The following TOP1MT variants were observed in gnomAD, a reference collection of about 807,000 sequenced individuals.
TOP1MT encodes the protein DNA topoisomerase I, mitochondrial.
Under a neutral mutation model 73.9 loss-of-function variants are expected in TOP1MT, and 80 were observed. That is an observed-to-expected ratio of 1.08 (90% confidence interval 0.90 to 1.30). The LOEUF (loss-of-function observed/expected upper bound fraction) is 1.30. Among genes scored for constraint, TOP1MT ranks in the 50% most tolerant of loss-of-function variants. TOP1MT has a pLI of 0.00. For synonymous variants in TOP1MT, 338 were observed against 326.4 expected (o/e 1.04, Z -0.38); for missense variants, 815 against 808.0 (o/e 1.01, Z -0.10).
At chr8:143,327,672 G>A in intron 3 of TOP1MT, 2 of 356,774 alleles carry the variant, frequency 5.6e-6, no homozygotes, top group Middle Eastern at 4.1e-4. Flanking sequence ...GCTAGTGACT[G>A]GAAGAAGTGC....
At chr8:143,350,124 C>T (rs1817296265) in intron 1 of TOP1MT, 1 of 152,232 alleles carries the variant, frequency 6.6e-6, no homozygotes. Context: ...ACAAACATCT[C>T]CAATTATGTC....
At chr8:143,348,616 TGG>T (rs1817268890), upstream of TOP1MT, among the ~76,000 whole-genome samples, 2 of 124,366 alleles carry the variant, frequency 1.6e-5, no homozygotes, top group South Asian at 5.9e-4. This position sits in a 1 kb window ranked among gnomAD's most constrained non-coding sequence, Gnocchi z 4.6. Flanking sequence ...TGGGGGGGGG[TGG>T]GGGCCCTCCA....
chr8:143,319,048 A>T (rs1409794545), intron 8 of TOP1MT, among the ~76,000 whole-genome samples: 1 of 152,120 alleles, frequency 6.6e-6, no homozygotes, highest in Non-Finnish European at 1.5e-5. Context: ...ACCACAGCCG[A>T]TGCTTCACCA....
chr8:143,315,608 A>G, intron 12 of TOP1MT, 119 bp downstream of exon 12: 1 of 693,342 alleles, frequency 1.4e-6, no homozygotes, highest in Non-Finnish European at 2.4e-6. Flanking sequence ...TTATTTCTAC[A>G]ATCTCTCGTC....
upstream of TOP1MT, among the ~76,000 whole-genome samples, chr8:143,347,688 GCAGC>G (rs36222627): frequency 0.023 from 3,499 of 150,052 alleles, 53 homozygotes; most frequent in Non-Finnish European, 0.028. Context: ...CAGCAGGCAG[GCAGC>G]CAGCCAGCCA....
chr8:143,349,085 C>A (rs1817277454), upstream of TOP1MT, among the ~76,000 whole-genome samples: 3 of 152,184 alleles, frequency 2.0e-5, 1 homozygote, highest in South Asian at 6.2e-4. Context: ...GTTCTCAGCT[C>A]CTCACCACAA....
intron 7 of TOP1MT, among the ~76,000 whole-genome samples, chr8:143,322,364 A>G (rs1586759264): frequency 1.1e-5 from 1 of 88,806 alleles, no homozygotes. Flanking sequence ...CGCACGCCAC[A>G]CACACAGGCA....
intron 1 of TOP1MT, among the ~76,000 whole-genome samples, chr8:143,351,801 C>T (rs912706741): frequency 6.6e-6 from 1 of 151,472 alleles, no homozygotes; most frequent in Admixed American, 6.6e-5. Context: ...CAGCAATACT[C>T]GGCCAGGTGT....
chr8:143,348,562 T>C (rs1057096339), upstream of TOP1MT, among the ~76,000 whole-genome samples: 2 of 151,478 alleles, frequency 1.3e-5, no homozygotes, highest in Non-Finnish European at 2.9e-5. This position sits in a 1 kb window ranked among gnomAD's most constrained non-coding sequence, Gnocchi z 4.6. Context: ...AAGACCAGCA[T>C]ATTTCATCCT....
chr8:143,310,085 G>C lies in TOP1MT; in HGVS notation c.1686C>G (p.Pro562=). ...ACACGCACCAGGCAATGCTGATCCTGGGGTCCAGGTAGTTGAGCTTGGACG... is the reference window on the plus strand; with the variant it reads ...ACACGCACCAGGCAATGCTGATCCTCGGGTCCAGGTAGTTGAGCTTGGACG... ...LGTSKLNYLD[P]RISIAWCKRF... is the part of the protein sequence containing the mutation. The change falls in exon 13 of 14, where the codon CCC becomes CCG. Residue 562 remains proline (P), a synonymous_variant. Transcript: ENST00000329245. 4 of 1,613,086 alleles carry C rather than the reference G, an allele frequency of 2.5e-6. No homozygotes were observed. The highest frequency in any genetic ancestry group is 3.4e-6 in the Non-Finnish European group (4 of 1,179,994).
chr8:143,315,866 A>G lies in TOP1MT; in HGVS notation c.1459-45T>C, dbSNP rs199938002. The G allele has an allele frequency of 1.8e-4, 288 of 1,605,496 alleles. No homozygotes were observed. The African/African-American group carries it at 3.6e-3, about 20-fold the overall frequency. On this transcript the variant is annotated intron_variant, in intron 11 of 13. Coordinates refer to ENST00000329245, the MANE Select transcript of TOP1MT (RefSeq NM_052963.3). Reference sequence around the variant, plus strand: ...ACAGGGCTGCCCCTCCCCATCCCGCACCAGCCCCTGTGCCCACACCCTTCC... The same window carrying G: ...ACAGGGCTGCCCCTCCCCATCCCGCGCCAGCCCCTGTGCCCACACCCTTCC...
chr8:143,321,650 GGCACGCCACACACACGCACGCCACA>G (rs1816382033), intron 7 of TOP1MT, among the ~76,000 whole-genome samples: 1 of 41,778 alleles, frequency 2.4e-5, no homozygotes, highest in Non-Finnish European at 4.2e-5. Flanking sequence ...GCCACACACA[GGCACGCCACACACACGCACGCCACA>G]CACGCACGCC....
intron 1 of TOP1MT, among the ~76,000 whole-genome samples, chr8:143,351,593 GA>G (rs201853196): frequency 1.4e-5 from 2 of 147,366 alleles, no homozygotes; most frequent in African/African-American, 2.5e-5. Flanking sequence ...AAAAAAAAAA[GA>G]AAAAAAGAAA....
At chr8:143,350,871 C>T (rs927594209) in intron 1 of TOP1MT, among the ~76,000 whole-genome samples, 5 of 152,086 alleles carry the variant, frequency 3.3e-5, no homozygotes, top group African/African-American at 1.2e-4. Context: ...ATAAGCACTC[C>T]CCACCGACAG....
intron 8 of TOP1MT, 51 bp from the exon 9 acceptor site, chr8:143,318,137 G>C: frequency 6.3e-7 from 1 of 1,575,432 alleles, no homozygotes; most frequent in Non-Finnish European, 8.7e-7. Context: ...CGAATCCAGT[G>C]AGGACCTGAA....
At position 143,324,343 on chromosome 8, in the gene TOP1MT, G is replaced by T. The variant is rs896170470; in HGVS notation, c.816+142C>A. ...CTGGCTTTGGGGCTTGTGCCTGCTG[G>T]CACAGCATGACCTCAGCACGGGCTG... On this transcript the variant is annotated intron_variant, in intron 6 of 13. Coordinates refer to ENST00000329245, the MANE Select transcript of TOP1MT (RefSeq NM_052963.3). 4 of 1,380,370 alleles carry T rather than the reference G, an allele frequency of 2.9e-6. No individual in the cohort carries two copies. In the African/African-American group the frequency reaches 4.4e-5, roughly 15 times the overall value. 85.5% of individuals were successfully genotyped at this position (1,380,370 alleles called of 1,614,324 possible).
chr8:143,334,655 C>T, intron 1 of TOP1MT, 85 bp downstream of exon 1: 1 of 1,554,282 alleles, frequency 6.4e-7, no homozygotes, highest in African/African-American at 1.4e-5. Context: ...GCAAGGCCGT[C>T]CCACGAGGCC....
intron 1 of TOP1MT, chr8:143,332,747 G>A (rs542671744): frequency 2.2e-4 from 90 of 405,788 alleles, no homozygotes; most frequent in African/African-American, 1.7e-3. Context: ...ACCTTCCAGG[G>A]TGGAGCCGGG....
intron 2 of TOP1MT, among the ~76,000 whole-genome samples, chr8:143,342,862 G>A (rs1037260829): frequency 6.7e-5 from 10 of 149,878 alleles, no homozygotes; most frequent in South Asian, 2.1e-4. Context: ...TCGGCTCACT[G>A]CAACCTCTGC....
Sources: gnomAD v4.1 joint callset for allele counts (sites outside exome capture counted in the v4.1 genomes callset) on GRCh38, gnomAD v4.1.1 for gene constraint, Gnocchi (gnomAD v3.1) non-coding constraint, MANE v1.5 for transcripts, NCBI Gene and HGNC (gene_info 2026-07-23, HGNC 2026-07-21) for gene names.